The following ALCAM variants were observed in gnomAD, a reference collection of about 807,000 sequenced individuals.
ALCAM encodes CD166 antigen.
Under a neutral mutation model 70.9 loss-of-function variants are expected in ALCAM, and 30 were observed. The ratio of observed to expected loss-of-function variants is 0.42; its 90% CI spans 0.32 to 0.57. The LOEUF (loss-of-function observed/expected upper bound fraction) is 0.57. Ranked by LOEUF, ALCAM falls within the 20% of genes least tolerant of loss-of-function variation. ALCAM has a pLI of 0.11. For missense variants in ALCAM, 591 were observed against 695.1 expected (o/e 0.85, Z 1.68); for synonymous variants, 249 against 242.5 (o/e 1.03, Z -0.25).
chr3:105,494,070 G>GT (rs35302959), intron 1 of ALCAM, among the ~76,000 whole-genome samples: 100,021 of 151,962 alleles, frequency 0.66, 33,135 homozygotes, highest in African/African-American at 0.72. Context: ...CAATTTAAGA[G>GT]TTCTTGTTTT....
intron 1 of ALCAM, among the ~76,000 whole-genome samples, chr3:105,434,148 TC>T (rs1229272508): frequency 6.6e-6 from 1 of 152,172 alleles, no homozygotes; most frequent in South Asian, 2.1e-4. Context: ...GAAGTGACTT[TC>T]CCTTTTAAAT....
At chr3:105,427,250 T>C (rs915125553) in intron 1 of ALCAM, among the ~76,000 whole-genome samples, 1 of 151,762 alleles carries the variant, frequency 6.6e-6, no homozygotes, top group African/African-American at 2.4e-5. Flanking sequence ...CTCTCACCCT[T>C]TTAGGAAAGG....
intron 3 of ALCAM, among the ~76,000 whole-genome samples, chr3:105,526,651 C>G (rs1939713226): frequency 6.6e-6 from 1 of 152,112 alleles, no homozygotes; most frequent in Non-Finnish European, 1.5e-5. Context: ...GTAAAATGAA[C>G]AGCAAAGCTT....
At chr3:105,425,096 C>T (rs1415908906) in intron 1 of ALCAM, among the ~76,000 whole-genome samples, 1 of 151,684 alleles carries the variant, frequency 6.6e-6, no homozygotes, top group African/African-American at 2.4e-5. Context: ...GAGAATAGGG[C>T]TCAAAGATGC....
chr3:105,552,406 T>C, intron 13 of ALCAM, 62 bp from the exon 14 acceptor site: 4 of 1,517,776 alleles, frequency 2.6e-6, no homozygotes, highest in Admixed American at 1.7e-5. Context: ...AATAGCTAGA[T>C]TGACTTTCTG....
chr3:105,569,065 T>G (rs1940804988), intron 14 of ALCAM, among the ~76,000 whole-genome samples: 1 of 150,366 alleles, frequency 6.7e-6, no homozygotes, highest in African/African-American at 2.4e-5. Flanking sequence ...TGTATTACAT[T>G]GTTGTTTTTT....
rs781750170 is a variant in ALCAM at position 105,552,545 on chromosome 3, G to A, written c.1624G>A (p.Val542Ile). 1 of 1,611,694 alleles carries A rather than the reference G, an allele frequency of 6.2e-7. No individual in the cohort carries two copies. Among genetic ancestry groups the A allele is most frequent in the Admixed American group, 1.7e-5 (1 of 59,842 alleles). ...TGTTGGTCTCCTCCTTGCTGCCCTT[G>A]TTGCTGGTGTCGTCTACTGGCTGTA... ...IVVGLLLAAL[V>I]AGVVYWLYMK... Residue 542 changes from valine to isoleucine, a missense_variant, in exon 14 of 16, where the codon GTT becomes ATT. Val to Ile is a conservative substitution (Grantham distance 29). Around this residue, in one of 2 missense-constraint regions of ALCAM, gnomAD observed 164 missense variants for 244.7 expected, o/e 0.67. Coordinates refer to ENST00000306107, the MANE Select transcript of ALCAM (RefSeq NM_001627.4).
chr3:105,537,120 A>G (rs1259948496), intron 6 of ALCAM, among the ~76,000 whole-genome samples: 1 of 152,046 alleles, frequency 6.6e-6, no homozygotes, highest in Admixed American at 6.6e-5. Context: ...ATCTTGAGAA[A>G]GCTTGAGAAA....
chr3:105,470,600 C>T lies in ALCAM; in HGVS notation c.74-49467C>T, dbSNP rs192223700. Among the ~76,000 whole-genome samples, 220 of 151,242 alleles carry T rather than the reference C, an allele frequency of 1.5e-3. 1 individual carries two copies. The highest frequency in any genetic ancestry group is 2.7e-3 in the Non-Finnish European group (179 of 67,384). Reference sequence around the variant, plus strand: ...TATCATTCATCAGCATTTTGTAACACTCAGATTTGAAAGAAAGAGAAAAAG... The same window carrying T: ...TATCATTCATCAGCATTTTGTAACATTCAGATTTGAAAGAAAGAGAAAAAG... On this transcript the variant is annotated intron_variant, in intron 1 of 15. Transcript: ENST00000306107.
intron 1 of ALCAM, among the ~76,000 whole-genome samples, chr3:105,423,522 A>G (rs559236256): frequency 1.3e-5 from 2 of 149,802 alleles, no homozygotes; most frequent in African/African-American, 2.4e-5. Context: ...AGAAAACATC[A>G]TATAATCAGG....
intron 1 of ALCAM, among the ~76,000 whole-genome samples, chr3:105,421,850 A>T (rs1936658421): frequency 6.6e-6 from 1 of 151,034 alleles, no homozygotes. Flanking sequence ...TTTTTTTTTT[A>T]ACTTCAATAT....
At chr3:105,483,935 G>A (rs548924808) in intron 1 of ALCAM, among the ~76,000 whole-genome samples, 1 of 152,154 alleles carries the variant, frequency 6.6e-6, no homozygotes, top group African/African-American at 2.4e-5. Context: ...TAAGTGACAA[G>A]TACTTTTTAA....
At chr3:105,423,261 T>C (rs1322300197) in intron 1 of ALCAM, among the ~76,000 whole-genome samples, 2 of 151,408 alleles carry the variant, frequency 1.3e-5, no homozygotes, top group African/African-American at 4.8e-5. Context: ...AATAAAAATA[T>C]CTGATGCACT....
intron 1 of ALCAM, among the ~76,000 whole-genome samples, chr3:105,452,013 T>TCATA (rs1473917314): frequency 6.6e-6 from 1 of 152,150 alleles, no homozygotes; most frequent in Non-Finnish European, 1.5e-5. Flanking sequence ...GTGGCTTTAC[T>TCATA]CATATTCTCA....
intron 1 of ALCAM, among the ~76,000 whole-genome samples, chr3:105,393,428 A>T (rs1476872874): frequency 3.3e-5 from 5 of 151,872 alleles, no homozygotes; most frequent in Non-Finnish European, 4.4e-5. Context: ...GAGGAATTTA[A>T]ATTTTGTATC....
intron 1 of ALCAM, among the ~76,000 whole-genome samples, chr3:105,398,028 A>C (rs909368717): frequency 6.6e-6 from 1 of 152,098 alleles, no homozygotes; most frequent in African/African-American, 2.4e-5. Flanking sequence ...GTGGTTCTTA[A>C]ACTTGCACGT....
chr3:105,504,460 G>A (rs1466914161), intron 1 of ALCAM, among the ~76,000 whole-genome samples: 1 of 152,214 alleles, frequency 6.6e-6, no homozygotes, highest in East Asian at 1.9e-4. Flanking sequence ...AGCAGATGGG[G>A]GAAGCCAGAA....
intron 3 of ALCAM, chr3:105,525,213 T>C (rs1391363532): frequency 2.0e-6 from 2 of 985,078 alleles, no homozygotes; most frequent in East Asian, 2.3e-4. Flanking sequence ...GGGGAGAAAG[T>C]AGAGTAGTGA....
chr3:105,563,069 G>A (rs983222977), intron 14 of ALCAM, among the ~76,000 whole-genome samples: 5 of 151,946 alleles, frequency 3.3e-5, no homozygotes, highest in African/African-American at 4.8e-5. Context: ...GCCTCCTAAA[G>A]TGCTGGGATT....
Sources: allele counts gnomAD v4.1 joint callset (sites outside exome capture counted in the v4.1 genomes callset), GRCh38; gene constraint gnomAD v4.1.1; regional missense constraint gnomAD v4.1.1; transcripts MANE v1.5; gene names NCBI Gene and HGNC (gene_info 2026-07-23, HGNC 2026-07-21).